The following TPM1 variants were observed in gnomAD, a reference collection of about 807,000 sequenced individuals.
The protein encoded by TPM1 is tropomyosin alpha-1 chain.
TPM1 carries 24 observed loss-of-function variants against 42.9 expected under a neutral mutation model. The observed-to-expected ratio is 0.56, with a 90% CI of 0.41 to 0.79. TPM1 has a LOEUF of 0.79. Ranked by LOEUF, TPM1 falls within the 30% of genes least tolerant of loss-of-function variation. The pLI is 0.00. For missense variants in TPM1, 158 were observed against 351.8 expected, an observed-to-expected ratio of 0.45 and a Z score of 4.41; for synonymous variants, 136 against 130.1, an observed-to-expected ratio of 1.05 and a Z score of -0.31.
intron 9 of TPM1, chr15:63,064,603 A>AG (rs2036064455): frequency 5.8e-6 from 6 of 1,034,092 alleles, no homozygotes; most frequent in Non-Finnish European, 5.8e-6. Flanking sequence ...TCTGAGGATA[A>AG]GGAAATTGGC....
At chr15:63,069,976 A>T, downstream of TPM1, 1 of 1,613,614 alleles carries the variant, frequency 6.2e-7, no homozygotes. Flanking sequence ...GCTGAATTCT[A>T]GGCGTGGAGC....
At position 63,060,035 on chromosome 15, in the gene TPM1, A is replaced by G. The variant is rs2035399606; in HGVS notation, c.492+355A>G. The G allele has an allele frequency of 1.3e-5, 4 of 317,444 alleles. No individual in the cohort carries two copies. The Admixed American group carries it at 1.7e-4, about 13-fold the overall frequency. 19.7% of individuals were successfully genotyped at this position (317,444 alleles called of 1,614,324 possible). A position where few individuals can be genotyped will look rare whatever the true frequency, so the allele number is the denominator to read the frequency against. On this transcript the variant is annotated intron_variant, in intron 4 of 9. Transcript: ENST00000403994. ...CATGGTGCAAGTCATTTCTTCCCAG[A>G]GTGACCTGGCACATCCAGATTGGGC...
chr15:63,057,559 A>G (rs895112760), intron 3 of TPM1, among the ~76,000 whole-genome samples: 1 of 149,402 alleles, frequency 6.7e-6, no homozygotes, highest in African/African-American at 2.4e-5. Context: ...AGCTTAACAA[A>G]TAGGTGGAAG....
chr15:63,048,790 C>CGTG (rs148517607), intron 2 of TPM1: 19 of 1,495,384 alleles, frequency 1.3e-5, no homozygotes, highest in Admixed American at 4.1e-5. Context: ...GCTTCCCCCC[C>CGTG]CGCAGGCCCC....
chr15:63,050,607 A>G (rs920776320), intron 2 of TPM1, among the ~76,000 whole-genome samples: 3 of 152,216 alleles, frequency 2.0e-5, no homozygotes, highest in African/African-American at 7.2e-5. Context: ...TCACGGCTTT[A>G]TATCAAAAGT....
chr15:63,044,394 A>G (rs772695585), intron 2 of TPM1: 27 of 648,788 alleles, frequency 4.2e-5, no homozygotes, highest in Non-Finnish European at 7.2e-5. Context: ...AGGTGGGTGG[A>G]TGAGAGGCTG....
chr15:63,069,948 A>C (rs369978558), downstream of TPM1: 8 of 1,613,822 alleles, frequency 5.0e-6, no homozygotes, highest in African/African-American at 5.3e-5. Flanking sequence ...GATTAAACTT[A>C]AGAGTGAAAA....
chr15:63,070,764 G>A, downstream of TPM1: 1 of 1,176,532 alleles, frequency 8.5e-7, no homozygotes, highest in South Asian at 1.8e-5. Context: ...TGCTGCAGCT[G>A]TATTTGGTTT....
chr15:63,063,128 G>A (rs1417268209), intron 8 of TPM1: 3 of 981,006 alleles, frequency 3.1e-6, no homozygotes, highest in Non-Finnish European at 3.6e-6. Flanking sequence ...GAAGGAGGAG[G>A]GAAAAATTAT....
intron 9 of TPM1, 40 bp downstream of exon 9, chr15:63,064,182 C>T (rs767592014): frequency 1.2e-6 from 2 of 1,602,170 alleles, no homozygotes; most frequent in African/African-American, 2.7e-5. Context: ...ACCCTGCCCT[C>T]ATGCTAATGT....
At chr15:63,048,004 G>A (rs1039931255) in intron 2 of TPM1, 2 of 295,826 alleles carry the variant, frequency 6.8e-6, no homozygotes, top group Non-Finnish European at 1.3e-5. Context: ...GGGAATGGGG[G>A]TAGTGCTTGG....
rs557587047 is a variant in TPM1 at position 63,053,379 on chromosome 15, GT to G, written c.241-3603del. The stretch of plus-strand genomic sequence containing the variant: ...AGGAGTGAGAACTGCCAGTTCCAAG[GT>G]TTCCGTGATGTTCCGGGAAGCCAGG... On this transcript the variant is annotated intron_variant, in intron 2 of 9. Transcript: ENST00000403994. Among the ~76,000 whole-genome samples the G allele has an allele frequency of 2.0e-3, 310 of 152,178 alleles. 1 individual carries two copies. Among genetic ancestry groups the G allele is most frequent in the East Asian group, 0.014 (70 of 5,172 alleles).
intron 2 of TPM1, chr15:63,048,605 G>C: frequency 1.3e-6 from 2 of 1,533,230 alleles, no homozygotes; most frequent in South Asian, 1.2e-5. Context: ...TGGAGGCGGT[G>C]CGCAGGAAGA....
In TPM1 at chr15:63,071,741, C is replaced by CATGACAATCTGTAGG. The variant is rs2036612809; in HGVS notation, c.*572_*586dup. The CATGACAATCTGTAGG allele has an allele frequency of 2.4e-5, 4 of 164,248 alleles. No homozygotes were observed. In the South Asian group the frequency reaches 6.6e-4, roughly 27 times the overall value. The allele number at this position is 164,248 out of a possible 1,614,324, so 10.2% of individuals were successfully genotyped here. On this transcript the variant is annotated 3_prime_UTR_variant, in exon 9 of 9. Transcript: ENST00000267996. Reference sequence around the variant, plus strand: ...CTTTCTGATTGGCACACGTGCAGCTCATGACAATCTGTAGGATAACAATCA... The same window carrying CATGACAATCTGTAGG: ...CTTTCTGATTGGCACACGTGCAGCTCATGACAATCTGTAGGATGACAATCTGTAGGATAACAATCA...
At chr15:63,068,122 G>C (rs117713836), downstream of TPM1, among the ~76,000 whole-genome samples, 64 of 152,342 alleles carry the variant, frequency 4.2e-4, no homozygotes, top group Non-Finnish European at 8.2e-4. Flanking sequence ...TCCATAGTGT[G>C]AATGTAGTAA....
intron 2 of TPM1, 30 bp downstream of exon 2, chr15:63,044,182 C>T (rs767367192): frequency 1.9e-6 from 3 of 1,614,000 alleles, no homozygotes; most frequent in Admixed American, 3.3e-5. Context: ...GCTTCCCTCA[C>T]CTCTTGCCTG....
exon 9 of TPM1, chr15:63,071,319 C>T: frequency 1.1e-6 from 1 of 929,060 alleles, no homozygotes; most frequent in Non-Finnish European, 1.6e-6. Context: ...GTGGGGAAAA[C>T]ACATACAAAA....
chr15:63,058,179 G>T (rs576078606), intron 3 of TPM1, among the ~76,000 whole-genome samples: 1 of 152,326 alleles, frequency 6.6e-6, no homozygotes, highest in Non-Finnish European at 1.5e-5. Context: ...ACGCATAAGA[G>T]CAGTTTTGTG....
intron 2 of TPM1, among the ~76,000 whole-genome samples, chr15:63,053,733 G>A (rs915199799): frequency 6.8e-6 from 1 of 146,360 alleles, no homozygotes; most frequent in Admixed American, 6.9e-5. Flanking sequence ...CCAGGCTGGA[G>A]TGCAGTGGCA....
Sources: gnomAD v4.1 joint callset for allele counts (sites outside exome capture counted in the v4.1 genomes callset) on GRCh38, gnomAD v4.1.1 for gene constraint, MANE v1.5 for transcripts, NCBI Gene and HGNC (gene_info 2026-07-23, HGNC 2026-07-21) for gene names.